The following IQGAP2 variants were observed in gnomAD, a reference collection of about 807,000 sequenced individuals.
IQGAP2 encodes the protein ras GTPase-activating-like protein IQGAP2.
IQGAP2 carries 173 observed loss-of-function variants against 201.3 expected under a neutral mutation model. The ratio of observed to expected loss-of-function variants is 0.86; its 90% CI spans 0.76 to 0.98. The LOEUF is 0.98. IQGAP2 is among the 50% of genes least tolerant of loss of function. The pLI is 0.00. For synonymous variants in IQGAP2, 675 were observed against 673.9 expected (o/e 1.00, Z -0.03); for missense variants, 1,687 against 1,864.8 (o/e 0.90, Z 1.76).
chr5:76,447,020 T>C (rs963327252), intron 1 of IQGAP2, among the ~76,000 whole-genome samples: 1 of 152,202 alleles, frequency 6.6e-6, no homozygotes, highest in Admixed American at 6.5e-5. Flanking sequence ...TTGCGACCAG[T>C]TTCCAGAAGG....
chr5:76,497,837 C>G (rs1400575045), intron 2 of IQGAP2, among the ~76,000 whole-genome samples: 2 of 152,182 alleles, frequency 1.3e-5, no homozygotes, highest in Non-Finnish European at 2.9e-5. Flanking sequence ...ACACCCTTAA[C>G]CAAGGGTTAA....
At position 76,695,788 on chromosome 5, in the gene IQGAP2, C is replaced by T. The variant is rs780824328; in HGVS notation, c.4206+122C>T. Reference sequence around the variant, plus strand: ...ATGGTTGCATATGCTGTGGTTACTGCCCTCTTCAATGCTACAGATTTTTCA... The same window carrying T: ...ATGGTTGCATATGCTGTGGTTACTGTCCTCTTCAATGCTACAGATTTTTCA... On this transcript the variant is annotated intron_variant, in intron 32 of 35. Transcript: ENST00000274364. The T allele has an allele frequency of 2.1e-4, 143 of 689,932 alleles. 1 individual carries two copies. Among genetic ancestry groups the T allele is most frequent in the Non-Finnish European group, 3.1e-4 (126 of 400,268 alleles). The allele number at this position is 689,932 out of a possible 1,614,324, so 42.7% of individuals were successfully genotyped here.
intron 1 of IQGAP2, among the ~76,000 whole-genome samples, chr5:76,434,952 G>A (rs1035878627): frequency 6.6e-6 from 1 of 152,024 alleles, no homozygotes; most frequent in African/African-American, 2.4e-5. Flanking sequence ...TCCCTGATTA[G>A]TGATGTTGAG....
At chr5:76,498,007 A>C (rs1221491089) in intron 2 of IQGAP2, among the ~76,000 whole-genome samples, 1 of 152,202 alleles carries the variant, frequency 6.6e-6, no homozygotes, top group Non-Finnish European at 1.5e-5. Flanking sequence ...TTTCTGGCTC[A>C]CTGAAAAAAC....
Position 76,413,252 on chromosome 5 carries a change from T to A in IQGAP2, c.46+9661T>A, listed in dbSNP as rs143161224. ...GGCGCGATCTTGGCTCACTGCAACCTCCACCTCCCAGGTTCAAGCAATTCT... is the reference window on the plus strand; with the variant it reads ...GGCGCGATCTTGGCTCACTGCAACCACCACCTCCCAGGTTCAAGCAATTCT... On this transcript the variant is annotated intron_variant, in intron 1 of 35. Transcript: ENST00000274364. Among the ~76,000 whole-genome samples the A allele has an allele frequency of 4.8e-3, 642 of 133,148 alleles. 5 individuals are homozygous for A. Among genetic ancestry groups the A allele is most frequent in the African/African-American group, 0.017 (594 of 34,442 alleles). 87.4% of individuals were successfully genotyped at this position (133,148 alleles called of 152,430 possible).
chr5:76,562,297 C>T (rs1744431070), intron 2 of IQGAP2, 99 bp from the exon 3 acceptor site: 4 of 835,530 alleles, frequency 4.8e-6, no homozygotes, highest in Non-Finnish European at 3.8e-6. Context: ...GATCCTTCTT[C>T]CTTTGTCTCC....
At chr5:76,470,754 C>T (rs949075642) in intron 2 of IQGAP2, among the ~76,000 whole-genome samples, 5 of 152,038 alleles carry the variant, frequency 3.3e-5, no homozygotes, top group Non-Finnish European at 4.4e-5. Context: ...TAAACTAAGC[C>T]TTTTCATTTC....
intron 30 of IQGAP2, among the ~76,000 whole-genome samples, chr5:76,690,883 A>G (rs1339875977): frequency 1.3e-5 from 2 of 152,262 alleles, no homozygotes; most frequent in Non-Finnish European, 2.9e-5. Flanking sequence ...CATCATGGGC[A>G]GCACAGCTTT....
chr5:76,604,622 G>A (rs1227407508), intron 11 of IQGAP2, among the ~76,000 whole-genome samples: 1 of 151,950 alleles, frequency 6.6e-6, no homozygotes, highest in Non-Finnish European at 1.5e-5. Flanking sequence ...ACTCCTGTTG[G>A]GTCAGCATTT....
chr5:76,560,404 A>C (rs1580458739), intron 2 of IQGAP2, among the ~76,000 whole-genome samples: 1 of 144,094 alleles, frequency 6.9e-6, no homozygotes, highest in Admixed American at 7.1e-5. Flanking sequence ...CAATCCTCCC[A>C]CCTCACCCTC....
chr5:76,671,898 G>T lies in IQGAP2; in HGVS notation c.2983G>T (p.Asp995Tyr), dbSNP rs780732890. ...TCCAGTGGTAAAAGAGATCATCGAC[G>T]ACAAGTCGCTGATTATCAACACAAA... The part of the protein sequence containing the change: ...LAPVVKEIID[D>Y]KSLIINTNPV... Residue 995 changes from aspartate to tyrosine, a missense_variant, in exon 24 of 36, where the codon GAC becomes TAC. Transcript: ENST00000274364. The T allele has an allele frequency of 2.5e-6, 4 of 1,614,082 alleles. No individual in the cohort carries two copies. The highest frequency in any genetic ancestry group is 3.4e-6 in the Non-Finnish European group (4 of 1,179,984).
chr5:76,557,830 A>C (rs750944220), intron 2 of IQGAP2, among the ~76,000 whole-genome samples: 1 of 152,054 alleles, frequency 6.6e-6, no homozygotes, highest in Non-Finnish European at 1.5e-5. Flanking sequence ...TTTTTGAGAC[A>C]GAGTCTCACT....
intron 28 of IQGAP2, among the ~76,000 whole-genome samples, chr5:76,681,371 C>T (rs190020274): frequency 1.5e-4 from 23 of 151,806 alleles, no homozygotes; most frequent in Non-Finnish European, 3.2e-4. Context: ...TCCTACGAAT[C>T]GACAACAAAA....
intron 8 of IQGAP2, 87 bp downstream of exon 8, chr5:76,590,673 T>C (rs1183729944): frequency 2.0e-6 from 2 of 991,088 alleles, no homozygotes; most frequent in African/African-American, 3.3e-5. Context: ...AGCAATACTT[T>C]TAAATCAATT....
intron 1 of IQGAP2, among the ~76,000 whole-genome samples, chr5:76,446,661 G>A (rs1050067626): frequency 3.3e-5 from 5 of 152,152 alleles, no homozygotes; most frequent in Admixed American, 3.3e-4. Flanking sequence ...GTCATAGGTA[G>A]TAAGTTTATA....
chr5:76,559,149 C>T (rs912664290), intron 2 of IQGAP2, among the ~76,000 whole-genome samples: 4 of 152,206 alleles, frequency 2.6e-5, no homozygotes, highest in African/African-American at 7.2e-5. Flanking sequence ...GATCCGCCCG[C>T]CTCAGCCTCC....
At chr5:76,611,994 G>A (rs566157505) in intron 13 of IQGAP2, among the ~76,000 whole-genome samples, 6 of 152,274 alleles carry the variant, frequency 3.9e-5, no homozygotes, top group East Asian at 1.9e-4. Flanking sequence ...TGCCTCATTC[G>A]AAACAGGAAA....
intron 5 of IQGAP2, among the ~76,000 whole-genome samples, chr5:76,579,440 T>C (rs1310512991): frequency 1.4e-5 from 2 of 138,870 alleles, no homozygotes; most frequent in Non-Finnish European, 3.1e-5. Context: ...TTTCTTTGTT[T>C]AAAAAAAAAA....
chr5:76,524,230 T>C (rs1246815699), intron 2 of IQGAP2, among the ~76,000 whole-genome samples: 1 of 152,232 alleles, frequency 6.6e-6, no homozygotes, highest in Non-Finnish European at 1.5e-5. Context: ...TGAAGTATGC[T>C]ATACCTTAGC....
Sources: gnomAD v4.1 joint callset for allele counts (sites outside exome capture counted in the v4.1 genomes callset) on GRCh38, gnomAD v4.1.1 for gene constraint, MANE v1.5 for transcripts, NCBI Gene and HGNC (gene_info 2026-07-23, HGNC 2026-07-21) for gene names.